The following BAIAP2L2 variants were observed in gnomAD, a reference collection of about 807,000 sequenced individuals.
BAIAP2L2 encodes the protein BAR/IMD domain containing adaptor protein 2 like 2.
BAIAP2L2 carries 65 observed loss-of-function variants against 60.4 expected under a neutral mutation model. That is an observed-to-expected ratio of 1.08 (90% CI 0.88 to 1.32). The LOEUF (loss-of-function observed/expected upper bound fraction) is 1.32, where lower values mean the gene tolerates loss of function less well. BAIAP2L2 is among the 40% of genes most tolerant of loss of function. The pLI, the probability that BAIAP2L2 is intolerant of heterozygous loss-of-function variation, is 0.00. For synonymous variants in BAIAP2L2, 344 were observed against 301.7 expected (o/e 1.14, Z -1.45); for missense variants, 836 against 741.2 (o/e 1.13, Z -1.48).
chr22:38,107,909 C>T lies in BAIAP2L2; in HGVS notation c.219G>A (p.Glu73=), dbSNP rs763028745. Residue 73 remains glutamate, a synonymous_variant, in exon 4 of 14, where the codon GAG becomes GAA. Coordinates refer to ENST00000381669, the MANE Select transcript of BAIAP2L2 (RefSeq NM_025045.6). ...GGGTGTCAGACATCTGCACCAAGAT[C>T]TCCCCTGGAGGCATGGATGCAGCTG... The part of the protein sequence containing the change: ...LQSPTSQILG[E]ILVQMSDTQR... The T allele has an allele frequency of 1.2e-6, 2 of 1,613,426 alleles. No individual in the cohort carries two copies. Among genetic ancestry groups the T allele is most frequent in the Non-Finnish European group, 8.5e-7 (1 of 1,179,912 alleles).
At chr22:38,094,815 C>T (rs1218687074) in intron 7 of BAIAP2L2, among the ~76,000 whole-genome samples, 2 of 141,152 alleles carry the variant, frequency 1.4e-5, no homozygotes, top group African/African-American at 2.5e-5. Flanking sequence ...TCCAGAGACT[C>T]GGGGAGGGCG....
chr22:38,093,508 G>A (rs920588796), intron 7 of BAIAP2L2, among the ~76,000 whole-genome samples: 76 of 152,310 alleles, frequency 5.0e-4, no homozygotes, highest in African/African-American at 1.7e-3. Context: ...TTCTCTTAAT[G>A]TTGATGGTTA....
intron 1 of BAIAP2L2, 99 bp from the exon 2 acceptor site, chr22:38,109,307 C>G: frequency 2.1e-6 from 2 of 950,596 alleles, no homozygotes; most frequent in Non-Finnish European, 1.6e-6. Flanking sequence ...GACAGGGCAC[C>G]CCCAGCCCAG....
chr22:38,109,458 C>T (rs1305808852), intron 1 of BAIAP2L2, among the ~76,000 whole-genome samples: 5 of 152,154 alleles, frequency 3.3e-5, no homozygotes, highest in East Asian at 1.9e-4. Flanking sequence ...CTCCCGCTTA[C>T]GTCTGCTCTG....
intron 6 of BAIAP2L2, 30 bp downstream of exon 6, chr22:38,098,033 T>TGCGG: frequency 1.6e-6 from 1 of 627,046 alleles, no homozygotes; most frequent in Non-Finnish European, 2.9e-6. Context: ...CCGCCCTTCC[T>TGCGG]GGCCCACCCC....
In BAIAP2L2 at chr22:38,108,361, G is replaced by A. The variant is rs1296136220; in HGVS notation, c.128-20C>T. 1 of 1,596,568 alleles carries A rather than the reference G, an allele frequency of 6.3e-7. No individual in the cohort carries two copies. Among genetic ancestry groups the A allele is most frequent in the East Asian group, 2.2e-5 (1 of 44,644 alleles). Reference sequence around the variant, plus strand: ...ACAGAGCTGTGGACCAGAAGGGACAGGTCTGGTCCAGCCCTGCCTCTGCCC... The same window carrying A: ...ACAGAGCTGTGGACCAGAAGGGACAAGTCTGGTCCAGCCCTGCCTCTGCCC... On this transcript the variant is annotated intron_variant, in intron 2 of 13. Transcript: ENST00000381669.
intron 7 of BAIAP2L2, among the ~76,000 whole-genome samples, chr22:38,092,986 G>C (rs2086342479): frequency 6.6e-6 from 1 of 152,054 alleles, no homozygotes; most frequent in South Asian, 2.1e-4. Flanking sequence ...GGCCAACATG[G>C]TGAAACCCCG....
rs1203553322 is a variant in BAIAP2L2, at chr22:38,085,191, C to G, written c.*109G>C. 1 of 1,262,388 alleles carries G rather than the reference C, an allele frequency of 7.9e-7. No homozygotes were observed. Among genetic ancestry groups the G allele is most frequent in the Admixed American group, 2.0e-5 (1 of 49,280 alleles). 78.2% of individuals were successfully genotyped at this position (1,262,388 alleles called of 1,614,324 possible). On this transcript the variant is annotated 3_prime_UTR_variant, in exon 14 of 14. Transcript: ENST00000381669. ...TCTGGGGAGGGCAGCCACCCCCCGT[C>G]TCAGGGACCCGCTTCTTGGATCTGC... is the stretch of plus-strand genomic sequence containing the variant.
intron 11 of BAIAP2L2, among the ~76,000 whole-genome samples, chr22:38,086,803 C>T (rs188538308): frequency 4.0e-4 from 61 of 152,180 alleles, no homozygotes; most frequent in Admixed American, 8.5e-4. Flanking sequence ...CAAGACCAGC[C>T]TGGCCAACAT....
chr22:38,100,276 G>T (rs1317621529), intron 4 of BAIAP2L2, among the ~76,000 whole-genome samples: 1 of 152,120 alleles, frequency 6.6e-6, no homozygotes, highest in Non-Finnish European at 1.5e-5. Flanking sequence ...CTCAGGCCAG[G>T]CGTGGTGGCT....
chr22:38,108,146 C>T (rs764468950), intron 3 of BAIAP2L2, 109 bp downstream of exon 3: 3 of 1,133,170 alleles, frequency 2.6e-6, no homozygotes, highest in Non-Finnish European at 3.8e-6. Flanking sequence ...GAGTCTGGCT[C>T]TGGGCCCTGG....
intron 12 of BAIAP2L2, among the ~76,000 whole-genome samples, 154 bp downstream of exon 12, chr22:38,086,087 AG>A (rs1239954936): frequency 6.6e-6 from 1 of 152,090 alleles, no homozygotes; most frequent in Non-Finnish European, 1.5e-5. Flanking sequence ...GCCCAGACTC[AG>A]CCCCACACCA....
intron 7 of BAIAP2L2, chr22:38,093,985 G>A (rs1298240209): frequency 2.2e-6 from 1 of 456,560 alleles, no homozygotes; most frequent in Non-Finnish European, 4.4e-6. Context: ...TCGAGTAAAC[G>A]AGTAAATACA....
intron 13 of BAIAP2L2, 32 bp downstream of exon 13, chr22:38,085,654 C>G: frequency 6.2e-7 from 1 of 1,609,662 alleles, no homozygotes; most frequent in Non-Finnish European, 8.5e-7. Context: ...TGCCACCCTC[C>G]TCACTGTTTG....
At chr22:38,093,654 A>G (rs2086359614) in intron 7 of BAIAP2L2, among the ~76,000 whole-genome samples, 1 of 152,242 alleles carries the variant, frequency 6.6e-6, no homozygotes, top group Admixed American at 6.5e-5. Flanking sequence ...TCAATATTGC[A>G]ATCAGATATC....
Position 38,085,371 on chromosome 22 carries a change from T to C in BAIAP2L2, c.1519A>G (p.Thr507Ala), listed in dbSNP as rs2086027391. 9 of 1,613,652 alleles carry C rather than the reference T, an allele frequency of 5.6e-6. No homozygotes were observed. The highest frequency in any genetic ancestry group is 7.6e-6 in the Non-Finnish European group (9 of 1,179,760). ...AGCTTGACAGTGGCAAAAGGATTTGTGCCCCTGTAGGAGGAGAGAGAGAAT... is the reference window on the plus strand; with the variant it reads ...AGCTTGACAGTGGCAAAAGGATTTGCGCCCCTGTAGGAGGAGAGAGAGAAT... ...YPPQELFPRG[T>A]NPFATVKLRP... Residue 507 changes from threonine to alanine, a missense_variant, in exon 14 of 14, where the codon ACA (threonine) becomes GCA (alanine). Physicochemically the swap from Thr to Ala is moderately conservative, Grantham distance 58 (BLOSUM62 0). Transcript: ENST00000381669.
chr22:38,085,292 A>T lies in BAIAP2L2; in HGVS notation c.*8T>A. On this transcript the variant is annotated 3_prime_UTR_variant, in exon 14 of 14. Coordinates refer to ENST00000381669, the MANE Select transcript of BAIAP2L2 (RefSeq NM_025045.6). ...GGTGCACTGTGGGGTACGACCTCGG[A>T]CCCCGCCTCAGCGGATGAGGGGTGC... 6.2e-7 allele frequency: 1 copy of T among 1,613,530 alleles called. No individual in the cohort carries two copies. Among genetic ancestry groups the T allele is most frequent in the South Asian group, 1.1e-5 (1 of 91,030 alleles).
intron 8 of BAIAP2L2, 131 bp downstream of exon 8, chr22:38,089,391 G>A (rs1284635643): frequency 1.7e-6 from 1 of 602,594 alleles, no homozygotes; most frequent in Non-Finnish European, 2.4e-6. Flanking sequence ...GGGGCGGAAG[G>A]GCAGGCCGGG....
chr22:38,088,684 G>A (rs1233240613), intron 10 of BAIAP2L2, 64 bp downstream of exon 10: 25 of 1,478,240 alleles, frequency 1.7e-5, no homozygotes, highest in Non-Finnish European at 2.2e-5. Flanking sequence ...GCAGGTCCCC[G>A]GGTTCCCGGC....
Sources: allele counts gnomAD v4.1 joint callset (sites outside exome capture counted in the v4.1 genomes callset), GRCh38; gene constraint gnomAD v4.1.1; transcripts MANE v1.5; gene names NCBI Gene and HGNC (gene_info 2026-07-23, HGNC 2026-07-21).